The following PCDHA13 variants were observed in gnomAD, a reference collection of about 807,000 sequenced individuals.
PCDHA13 encodes the protein protocadherin alpha 13.
In PCDHA13, 54 loss-of-function variants were observed where a neutral mutation model predicts 64.8. That is an observed-to-expected ratio of 0.83 (90% CI 0.67 to 1.04). The LOEUF (loss-of-function observed/expected upper bound fraction) is 1.04, where lower values mean the gene tolerates loss of function less well. Among genes scored for constraint, PCDHA13 ranks in the 50% least tolerant of loss-of-function variants. The pLI is 0.00. For missense variants in PCDHA13, 1,248 were observed against 1,254.3 expected (o/e 0.99, Z 0.08); for synonymous variants, 587 against 564.4 (o/e 1.04, Z -0.57).
chr5:140,928,217 C>T, intron 1 of PCDHA13: 2 of 1,614,212 alleles, frequency 1.2e-6, no homozygotes, highest in Non-Finnish European at 1.7e-6. Flanking sequence ...AATGACAATA[C>T]ACCAAACTTT....
At chr5:140,981,643 G>A (rs998815671) in intron 2 of PCDHA13, among the ~76,000 whole-genome samples, 3 of 151,992 alleles carry the variant, frequency 2.0e-5, no homozygotes, top group African/African-American at 7.3e-5. Context: ...TTTTCTCTTA[G>A]GATCCCACTT....
Position 140,895,311 on chromosome 5 carries a change from C to T in PCDHA13, c.2394+10649C>T, listed in dbSNP as rs572826090. 2.0e-5 allele frequency among the ~76,000 whole-genome samples: 3 copies of T among 152,252 alleles called. No homozygotes were observed. The South Asian group carries it at 6.2e-4, about 32-fold the overall frequency. On this transcript the variant is annotated intron_variant, in intron 1 of 3. Transcript: ENST00000289272. ...GACCTTCGATTTCCCCCCTTCCACC[C>T]ATGACTATTGTTCTCAAATTGTTTT...
At position 140,980,684 on chromosome 5, in the gene PCDHA13, GA is replaced by G. The variant is rs782726576; in HGVS notation, c.2453+1687del. 1.5e-4 allele frequency among the ~76,000 whole-genome samples: 22 copies of G among 145,136 alleles called. No individual in the cohort carries two copies. In the East Asian group the frequency reaches 2.6e-3, roughly 17 times the overall value. ...AACTTCCTTATCCCATTTTCAAATT[GA>G]AAAAAAAAAGCCAAATGTGCTCCTA... On this transcript the variant is annotated intron_variant, in intron 2 of 3. Transcript: ENST00000289272.
rs187034758 is a variant in PCDHA13 at position 140,897,376 on chromosome 5, C to G, written c.2394+12714C>G. 8.0e-3 allele frequency among the ~76,000 whole-genome samples: 1,079 copies of G among 134,538 alleles called. 8 individuals are homozygous for G. Among genetic ancestry groups the G allele is most frequent in the Non-Finnish European group, 0.013 (863 of 65,384 alleles). 88.3% of individuals were successfully genotyped at this position (134,538 alleles called of 152,430 possible). A position where few individuals can be genotyped will look rare whatever the true frequency, so the allele number is the denominator to read the frequency against. ...TGTCCCCAGAGTGTGATGTTCCCTT[C>G]CCCTTCCTGTGTCCATGTGTTCTCA... On this transcript the variant is annotated intron_variant, in intron 1 of 3. Coordinates refer to ENST00000289272, the MANE Select transcript of PCDHA13 (RefSeq NM_018904.3).
chr5:141,000,417 A>ATTT (rs1563652061), intron 3 of PCDHA13, among the ~76,000 whole-genome samples: 30 of 77,716 alleles, frequency 3.9e-4, no homozygotes, highest in South Asian at 4.7e-4. Flanking sequence ...ATATATATAT[A>ATTT]TATATTTTTT....
At chr5:140,932,709 A>G (rs2088560759) in intron 1 of PCDHA13, among the ~76,000 whole-genome samples, 1 of 151,956 alleles carries the variant, frequency 6.6e-6, no homozygotes, top group African/African-American at 2.4e-5. Context: ...TATAGACAAC[A>G]CAATAATATT....
chr5:140,883,915 G>A lies in PCDHA13; in HGVS notation c.1647G>A (p.Val549=). 6.2e-7 allele frequency: 1 copy of A among 1,613,348 alleles called. No individual in the cohort carries two copies. Among genetic ancestry groups the A allele is most frequent in the Non-Finnish European group, 8.5e-7 (1 of 1,179,830 alleles). Residue 549 remains valine (V), a synonymous_variant, in exon 1 of 4, where the codon GTG becomes GTA. Coordinates refer to ENST00000289272, the MANE Select transcript of PCDHA13 (RefSeq NM_018904.3). The stretch of plus-strand genomic sequence containing the variant: ...GCGTGCCGCCTCTGGGCAGCAACGT[G>A]ACGCTGCAGGTGTTCGTGCTGGACG... The part of the protein sequence containing the change: ...DSGVPPLGSN[V]TLQVFVLDEN...
intron 1 of PCDHA13, among the ~76,000 whole-genome samples, chr5:140,924,394 T>A (rs973977224): frequency 2.0e-5 from 3 of 152,176 alleles, no homozygotes; most frequent in Admixed American, 2.0e-4. Context: ...CTACTTATAT[T>A]GCCTTATATC....
chr5:140,920,360 C>T (rs1049389066), intron 1 of PCDHA13, among the ~76,000 whole-genome samples: 2 of 151,950 alleles, frequency 1.3e-5, no homozygotes, highest in Non-Finnish European at 2.9e-5. Context: ...TAGTTCTATT[C>T]ATTTATTCTT....
intron 1 of PCDHA13, among the ~76,000 whole-genome samples, chr5:140,974,018 T>C (rs2096611642): frequency 1.3e-5 from 2 of 152,222 alleles, no homozygotes; most frequent in Non-Finnish European, 1.5e-5. Context: ...CATGTGATAA[T>C]ACAACTATAA....
intron 1 of PCDHA13, among the ~76,000 whole-genome samples, chr5:140,906,546 G>A (rs1261080393): frequency 2.0e-5 from 3 of 152,222 alleles, no homozygotes; most frequent in Non-Finnish European, 4.4e-5. Context: ...CCTCATTTCT[G>A]CAACTGGTTG....
At chr5:140,895,206 AT>A (rs2064913908) in intron 1 of PCDHA13, among the ~76,000 whole-genome samples, 1 of 151,808 alleles carries the variant, frequency 6.6e-6, no homozygotes, top group Non-Finnish European at 1.5e-5. Flanking sequence ...ATTTGCTTTT[AT>A]TTCTAATATT....
chr5:140,941,701 C>T (rs1312324595), intron 1 of PCDHA13, among the ~76,000 whole-genome samples: 3 of 152,142 alleles, frequency 2.0e-5, no homozygotes, highest in Non-Finnish European at 4.4e-5. Context: ...TTGGGCTTAG[C>T]TTTCCTCCAC....
chr5:140,902,976 G>T (rs2069915302), intron 1 of PCDHA13, among the ~76,000 whole-genome samples: 1 of 152,140 alleles, frequency 6.6e-6, no homozygotes, highest in African/African-American at 2.4e-5. Flanking sequence ...GGGCATTTAG[G>T]TTGGTTCCAT....
Position 140,998,902 on chromosome 5 carries a change from C to T in PCDHA13, c.2543-10725C>T, listed in dbSNP as rs148715237. On this transcript the variant is annotated intron_variant, in intron 3 of 3. Coordinates refer to ENST00000289272, the MANE Select transcript of PCDHA13 (RefSeq NM_018904.3). ...TTAGTTGAATAAATAACAATGCCTC[C>T]GGGAGGTAGCTATTATATCCATTTT... Among the ~76,000 whole-genome samples the T allele has an allele frequency of 4.2e-3, 632 of 152,216 alleles. 5 individuals are homozygous for T. Among genetic ancestry groups the T allele is most frequent in the African/African-American group, 0.014 (572 of 41,540 alleles).
chr5:140,984,550 A>C (rs1486017679), intron 3 of PCDHA13, among the ~76,000 whole-genome samples: 1 of 152,134 alleles, frequency 6.6e-6, no homozygotes, highest in Non-Finnish European at 1.5e-5. Flanking sequence ...GATAGAGCTT[A>C]CATCTTCCAA....
intron 1 of PCDHA13, chr5:140,968,919 T>C (rs2096279642): frequency 1.2e-6 from 2 of 1,614,116 alleles, no homozygotes; most frequent in South Asian, 1.1e-5. Flanking sequence ...GTGTCTTTTA[T>C]ATTTCTTTTG....
chr5:140,922,595 A>G (rs1554200883), intron 1 of PCDHA13, among the ~76,000 whole-genome samples: 1 of 152,216 alleles, frequency 6.6e-6, no homozygotes, highest in Non-Finnish European at 1.5e-5. Context: ...AGTTCTCATC[A>G]GTTGAAGATA....
At chr5:141,002,948 C>A (rs2098104348) in intron 3 of PCDHA13, among the ~76,000 whole-genome samples, 1 of 152,152 alleles carries the variant, frequency 6.6e-6, no homozygotes, top group African/African-American at 2.4e-5. Flanking sequence ...CAGCACATGC[C>A]CCTCTGAGAG....
Sources: gnomAD v4.1 joint callset for allele counts (sites outside exome capture counted in the v4.1 genomes callset) on GRCh38, gnomAD v4.1.1 for gene constraint, MANE v1.5 for transcripts, NCBI Gene and HGNC (gene_info 2026-07-23, HGNC 2026-07-21) for gene names.